Variants in PDE11A observed in about 807,000 individuals in gnomAD.
The protein encoded by PDE11A is phosphodiesterase 11A.
A neutral mutation model predicts 100.5 loss-of-function variants in PDE11A; 100 were observed. The ratio of observed to expected loss-of-function variants is 1.00; its 90% CI spans 0.85 to 1.18. The LOEUF (loss-of-function observed/expected upper bound fraction) is 1.18. Ranked by LOEUF, PDE11A falls within the 50% of genes most tolerant of loss-of-function variation. The pLI, the probability that PDE11A is intolerant of heterozygous loss-of-function variation, is 0.00. For missense variants in PDE11A, 1,141 were observed against 1,152.6 expected, an observed-to-expected ratio of 0.99 and a Z score of 0.15; for synonymous variants, 381 against 420.8, an observed-to-expected ratio of 0.91 and a Z score of 1.16.
chr2:177,770,868 A>C (rs2082302049), intron 9 of PDE11A, among the ~76,000 whole-genome samples: 1 of 152,172 alleles, frequency 6.6e-6, no homozygotes. Context: ...ACTCTATTGC[A>C]CAGGCTAGAG....
intron 9 of PDE11A, among the ~76,000 whole-genome samples, chr2:177,805,824 C>G (rs1430490736): frequency 6.6e-6 from 1 of 152,140 alleles, no homozygotes; most frequent in African/African-American, 2.4e-5. Context: ...AAGATTATCA[C>G]TGCCTTCATA....
chr2:177,880,794 A>T (rs1437977015), intron 4 of PDE11A, among the ~76,000 whole-genome samples: 1 of 152,214 alleles, frequency 6.6e-6, no homozygotes, highest in Non-Finnish European at 1.5e-5. Flanking sequence ...GAAGATACTG[A>T]TGTTTACTGA....
chr2:177,970,955 C>A (rs1036823677), intron 2 of PDE11A, among the ~76,000 whole-genome samples: 3 of 152,182 alleles, frequency 2.0e-5, no homozygotes, highest in Non-Finnish European at 4.4e-5. Context: ...ACCATGATTA[C>A]TTGTTACCTG....
chr2:177,997,817 G>A (rs1345479889), intron 2 of PDE11A: 48 of 1,301,744 alleles, frequency 3.7e-5, no homozygotes, highest in Non-Finnish European at 5.4e-5. Flanking sequence ...GGAGGGAGGG[G>A]CATGTATTCC....
intron 4 of PDE11A, among the ~76,000 whole-genome samples, chr2:177,893,568 G>A (rs564399411): frequency 2.0e-5 from 3 of 152,160 alleles, no homozygotes; most frequent in African/African-American, 7.2e-5. Flanking sequence ...TGTGGACAGG[G>A]GGACTTCCCT....
intron 1 of PDE11A, chr2:178,017,944 A>C (rs532445739): frequency 1.3e-5 from 2 of 154,012 alleles, no homozygotes; most frequent in African/African-American, 4.8e-5. Flanking sequence ...TGGGCGAGTG[A>C]GACTCCGTCT....
intron 5 of PDE11A, among the ~76,000 whole-genome samples, chr2:177,859,412 A>G (rs2083905367): frequency 6.6e-6 from 1 of 151,832 alleles, no homozygotes; most frequent in Non-Finnish European, 1.5e-5. Flanking sequence ...GATATTAAAA[A>G]AAGAAAAATA....
At chr2:178,022,998 T>C (rs972111851) in intron 1 of PDE11A, among the ~76,000 whole-genome samples, 3 of 152,246 alleles carry the variant, frequency 2.0e-5, no homozygotes, top group African/African-American at 7.2e-5. Context: ...GTCTTTTGTA[T>C]ATAACACGCA....
intron 19 of PDE11A, among the ~76,000 whole-genome samples, chr2:177,645,060 G>A (rs1016986092): frequency 6.6e-6 from 1 of 152,164 alleles, no homozygotes; most frequent in African/African-American, 2.4e-5. Context: ...GTGTGAAAAC[G>A]GACTAATACA....
intron 2 of PDE11A, among the ~76,000 whole-genome samples, chr2:177,999,905 C>T (rs2086123152): frequency 6.6e-6 from 1 of 152,344 alleles, no homozygotes; most frequent in South Asian, 2.1e-4. Context: ...TTCAAAACCA[C>T]TCATTACTTT....
chr2:177,879,793 A>C (rs537690229), intron 4 of PDE11A, among the ~76,000 whole-genome samples: 4 of 152,312 alleles, frequency 2.6e-5, no homozygotes, highest in Admixed American at 1.3e-4. Flanking sequence ...TAAGATATAT[A>C]CATCTCTTAA....
intron 2 of PDE11A, among the ~76,000 whole-genome samples, chr2:177,954,153 T>C (rs1450525339): frequency 6.6e-6 from 1 of 151,982 alleles, no homozygotes; most frequent in Non-Finnish European, 1.5e-5. Context: ...AATGCTTCCC[T>C]GTTTCCTTTG....
intron 19 of PDE11A, among the ~76,000 whole-genome samples, chr2:177,635,089 A>G (rs1225909576): frequency 6.6e-6 from 1 of 152,206 alleles, no homozygotes; most frequent in Admixed American, 6.5e-5. Context: ...ACCCTTTCAG[A>G]GGCAGTGCGT....
At position 177,840,113 on chromosome 2, in the gene PDE11A, C is replaced by T. The variant is rs1020536404; in HGVS notation, c.1500+138G>A. 3.5e-6 allele frequency: 3 copies of T among 847,410 alleles called. No homozygotes were observed. In the South Asian group the frequency reaches 4.6e-5, roughly 13 times the overall value. The allele number at this position is 847,410 out of a possible 1,614,324, so 52.5% of individuals were successfully genotyped here. ...ACAAGTTTTTCTAACTTAGAGTCAACAGTAGGCAATGCTAAAAATAAGATC... is the reference window on the plus strand; with the variant it reads ...ACAAGTTTTTCTAACTTAGAGTCAATAGTAGGCAATGCTAAAAATAAGATC... On this transcript the variant is annotated intron_variant, in intron 6 of 19. Coordinates refer to ENST00000286063, the MANE Select transcript of PDE11A (RefSeq NM_016953.4).
intron 1 of PDE11A, among the ~76,000 whole-genome samples, chr2:178,037,988 T>C (rs751994121): frequency 1.3e-5 from 2 of 152,018 alleles, no homozygotes; most frequent in Non-Finnish European, 2.9e-5. Flanking sequence ...TGTATACCTA[T>C]GTAACAAACC....
At chr2:177,711,479 C>CAAAT (rs1397338500) in intron 13 of PDE11A, among the ~76,000 whole-genome samples, 2 of 152,150 alleles carry the variant, frequency 1.3e-5, no homozygotes, top group Admixed American at 1.3e-4. Context: ...GCCATAAAGG[C>CAAAT]AAATATTCTG....
rs115920721 is a variant in PDE11A at position 177,667,632 on chromosome 2, T to C, written c.2562+1861A>G. Reference sequence around the variant, plus strand: ...TGTGAGGCCCCACACAGTCCTGTGCTTCACAGCATTTTGCATCTCATAAAA... The same window carrying C: ...TGTGAGGCCCCACACAGTCCTGTGCCTCACAGCATTTTGCATCTCATAAAA... On this transcript the variant is annotated intron_variant, in intron 18 of 19. Transcript: ENST00000286063. 6.6e-3 allele frequency among the ~76,000 whole-genome samples: 1,003 copies of C among 152,346 alleles called. 4 individuals are homozygous for C. The highest frequency in any genetic ancestry group is 9.5e-3 in the Non-Finnish European group (645 of 68,026).
chr2:177,951,601 A>G (rs2085505948), intron 2 of PDE11A, among the ~76,000 whole-genome samples: 1 of 152,170 alleles, frequency 6.6e-6, no homozygotes, highest in Admixed American at 6.5e-5. Flanking sequence ...AATAGTGGTA[A>G]TGAGAGTATC....
intron 9 of PDE11A, among the ~76,000 whole-genome samples, chr2:177,788,775 A>C (rs1291818103): frequency 1.3e-5 from 2 of 152,340 alleles, no homozygotes; most frequent in African/African-American, 2.4e-5. Context: ...ACTCAAATAA[A>C]CTAGAAAATC....
Sources: allele counts gnomAD v4.1 joint callset (sites outside exome capture counted in the v4.1 genomes callset), GRCh38; gene constraint gnomAD v4.1.1; transcripts MANE v1.5; gene names NCBI Gene and HGNC (gene_info 2026-07-23, HGNC 2026-07-21).